The following NFXL1 variants were observed in gnomAD, a reference collection of about 807,000 sequenced individuals.
The protein encoded by NFXL1 is NF-X1-type zinc finger protein NFXL1.
Under a neutral mutation model 123.3 loss-of-function variants are expected in NFXL1, and 66 were observed. The ratio of observed to expected loss-of-function variants is 0.54; its 90% CI spans 0.44 to 0.66. The LOEUF is 0.66. NFXL1 is among the 30% of genes least tolerant of loss of function. The probability of loss-of-function intolerance (pLI) is 0.00; values close to 1 mark genes in which losing one functional copy is unlikely to be tolerated. For synonymous variants in NFXL1, 346 were observed against 360.8 expected (o/e 0.96, Z 0.46); for missense variants, 944 against 1,125.6 (o/e 0.84, Z 2.31).
intron 19 of NFXL1, among the ~76,000 whole-genome samples, chr4:47,856,334 C>A (rs1457656599): frequency 6.6e-6 from 1 of 152,022 alleles, no homozygotes; most frequent in Non-Finnish European, 1.5e-5. Context: ...ATTATAAGTT[C>A]CTTGAGGGCA....
intron 19 of NFXL1, among the ~76,000 whole-genome samples, chr4:47,856,464 C>G (rs1734421928): frequency 6.6e-6 from 1 of 151,492 alleles, no homozygotes; most frequent in Admixed American, 6.6e-5. Context: ...TTCTTTGTGT[C>G]TCTCATGTCA....
intron 19 of NFXL1, among the ~76,000 whole-genome samples, chr4:47,861,302 T>G (rs1734753752): frequency 6.6e-6 from 1 of 152,214 alleles, no homozygotes; most frequent in African/African-American, 2.4e-5. Context: ...ACCTGTCTAC[T>G]CTTAGATTGT....
In NFXL1 at chr4:47,914,512, T is replaced by C; in HGVS notation, c.-150A>G. On this transcript the variant is annotated 5_prime_UTR_variant, in exon 1 of 23. Transcript: ENST00000507489. ...AGAAGTCGAAACCGCCTCCTCAGCCTCTGCGGGAGCGTGGTAGGGGAAGAG... is the reference window on the plus strand; with the variant it reads ...AGAAGTCGAAACCGCCTCCTCAGCCCCTGCGGGAGCGTGGTAGGGGAAGAG... The C allele has an allele frequency of 3.1e-6, 1 of 319,242 alleles. No homozygotes were observed. The highest frequency in any genetic ancestry group is 2.1e-5 in the African/African-American group (1 of 47,124). The allele number at this position is 319,242 out of a possible 1,614,324, so 19.8% of individuals were successfully genotyped here.
At chr4:47,887,235 G>C (rs964144077) in intron 12 of NFXL1, among the ~76,000 whole-genome samples, 4 of 152,146 alleles carry the variant, frequency 2.6e-5, no homozygotes, top group African/African-American at 9.7e-5. Flanking sequence ...AAAGGAAGAA[G>C]AGTTTTCAAT....
At chr4:47,858,301 A>G (rs1368051829) in intron 19 of NFXL1, among the ~76,000 whole-genome samples, 1 of 152,204 alleles carries the variant, frequency 6.6e-6, no homozygotes, top group African/African-American at 2.4e-5. Context: ...AGTAACTGGA[A>G]AAGTTACTGA....
At chr4:47,901,518 G>T (rs1025582558) in intron 5 of NFXL1, among the ~76,000 whole-genome samples, 1 of 151,972 alleles carries the variant, frequency 6.6e-6, no homozygotes, top group South Asian at 2.1e-4. Flanking sequence ...GCTTAATTCC[G>T]TACCTATTAG....
At chr4:47,858,854 A>C (rs1449368894) in intron 19 of NFXL1, among the ~76,000 whole-genome samples, 1 of 152,156 alleles carries the variant, frequency 6.6e-6, no homozygotes, top group Non-Finnish European at 1.5e-5. Flanking sequence ...CTGTTAAACT[A>C]TACATATTTA....
At chr4:47,874,612 T>C (rs897332291) in intron 18 of NFXL1, among the ~76,000 whole-genome samples, 8 of 152,162 alleles carry the variant, frequency 5.3e-5, no homozygotes, top group Admixed American at 3.9e-4. Flanking sequence ...ATGAAAAAGC[T>C]TGAATATTGT....
At chr4:47,863,035 T>G (rs1266238112) in intron 18 of NFXL1, 120 bp from the exon 19 acceptor site, 2 of 640,666 alleles carry the variant, frequency 3.1e-6, no homozygotes, top group Admixed American at 3.0e-5. Flanking sequence ...CAAGAAATAC[T>G]TTAATTATTT....
chr4:47,907,159 A>G (rs1280603988), intron 3 of NFXL1, among the ~76,000 whole-genome samples: 1 of 152,224 alleles, frequency 6.6e-6, no homozygotes, highest in Non-Finnish European at 1.5e-5. Context: ...TTTAGGAAGT[A>G]AAACTTAGGA....
intron 20 of NFXL1, 75 bp from the exon 21 acceptor site, chr4:47,852,017 C>T (rs1734146044): frequency 4.7e-6 from 4 of 857,086 alleles, no homozygotes; most frequent in Non-Finnish European, 8.0e-6. Flanking sequence ...AAGCAAAGTT[C>T]ATCTGATAGC....
At chr4:47,900,177 T>C (rs1737299073) in intron 5 of NFXL1, among the ~76,000 whole-genome samples, 2 of 152,132 alleles carry the variant, frequency 1.3e-5, no homozygotes, top group Admixed American at 1.3e-4. Flanking sequence ...AATTTCATAA[T>C]TCTCAACATC....
At chr4:47,912,641 G>A (rs1325268917) in intron 2 of NFXL1, among the ~76,000 whole-genome samples, 30 of 147,142 alleles carry the variant, frequency 2.0e-4, no homozygotes, top group African/African-American at 6.4e-4. Context: ...TGTATTTTTA[G>A]TAGAGACGGG....
At chr4:47,877,001 C>A (rs1735796282) in intron 17 of NFXL1, 2 of 1,151,718 alleles carry the variant, frequency 1.7e-6, no homozygotes, top group Non-Finnish European at 2.3e-6. Flanking sequence ...GCAAAAAGAA[C>A]CAAAGTTCAC....
At position 47,914,163 on chromosome 4, in the gene NFXL1, C is replaced by G. The variant is rs759276558; in HGVS notation, c.41G>C (p.Arg14Pro). ...SWRQVAGGRGRSRGRATAAPS... is the reference protein window; with the variant it reads ...SWRQVAGGRGPSRGRATAAPS... ...GGCGGCAGTGGCCCGTCCCCGGGAT[C>G]GGCCTCGGCCACCGGCCACCTGGCG... is the stretch of plus-strand genomic sequence containing the variant. Residue 14 changes from arginine (R) to proline (P), a missense_variant, in exon 2 of 23, where the codon CGA becomes CCA. By Grantham distance (103) the Arg-to-Pro change is moderately radical. Transcript: ENST00000507489. 1 of 1,535,306 alleles carries G rather than the reference C, an allele frequency of 6.5e-7. No individual in the cohort carries two copies. Among genetic ancestry groups the G allele is most frequent in the Non-Finnish European group, 8.8e-7 (1 of 1,138,610 alleles).
At chr4:47,868,968 C>T (rs1735268512) in intron 18 of NFXL1, among the ~76,000 whole-genome samples, 1 of 152,164 alleles carries the variant, frequency 6.6e-6, no homozygotes, top group Non-Finnish European at 1.5e-5. Context: ...TGCCTGTAAT[C>T]TCAACATTTT....
chr4:47,867,631 G>T (rs1019196557), intron 18 of NFXL1, among the ~76,000 whole-genome samples: 1 of 141,454 alleles, frequency 7.1e-6, no homozygotes, highest in African/African-American at 2.5e-5. Context: ...AAAAACATTA[G>T]ATTTTAAAGA....
intron 18 of NFXL1, among the ~76,000 whole-genome samples, chr4:47,867,432 T>C (rs891720492): frequency 1.3e-5 from 2 of 150,472 alleles, no homozygotes; most frequent in Admixed American, 1.3e-4. Flanking sequence ...TTGAGTGAAA[T>C]GGGAGACAGA....
intron 22 of NFXL1, among the ~76,000 whole-genome samples, chr4:47,849,496 T>C (rs1025704395): frequency 1.3e-5 from 2 of 152,218 alleles, no homozygotes. Flanking sequence ...CACATATCCA[T>C]TACTGTGGTC....
Sources: allele counts gnomAD v4.1 joint callset (sites outside exome capture counted in the v4.1 genomes callset), GRCh38; gene constraint gnomAD v4.1.1; transcripts MANE v1.5; gene names NCBI Gene and HGNC (gene_info 2026-07-23, HGNC 2026-07-21).